TRAK1: variants seen among roughly 807,000 people sequenced by gnomAD.
The protein encoded by TRAK1 is trafficking kinesin protein 1, also known as trafficking kinesin-binding protein 1.
In TRAK1, 33 loss-of-function variants were observed where a neutral mutation model predicts 92.1. That is an observed-to-expected ratio of 0.36 (90% confidence interval 0.27 to 0.48). The LOEUF is 0.48. Among genes scored for constraint, TRAK1 ranks in the 20% least tolerant of loss-of-function variants. The pLI, the probability that TRAK1 is intolerant of heterozygous loss-of-function variation, is 0.99. For synonymous variants in TRAK1, 521 were observed against 517.3 expected (o/e 1.01, Z -0.10); for missense variants, 1,123 against 1,257.9 (o/e 0.89, Z 1.62).
intron 3 of TRAK1, among the ~76,000 whole-genome samples, chr3:42,183,568 A>AAAAAAAAAG (rs1553751625): frequency 1.4e-5 from 2 of 145,220 alleles, no homozygotes; most frequent in Non-Finnish European, 3.0e-5. Flanking sequence ...AAAAAAAAAA[A>AAAAAAAAAG]AAAGAAAGAA....
chr3:42,016,470 G>A (rs1701531059), intron 1 of TRAK1, among the ~76,000 whole-genome samples: 1 of 152,236 alleles, frequency 6.6e-6, no homozygotes, highest in South Asian at 2.1e-4. Flanking sequence ...CTCCCAAAGT[G>A]CTGGGATTAT....
upstream of TRAK1, among the ~76,000 whole-genome samples, chr3:42,082,702 ACTGT>A (rs2148952846): frequency 6.6e-6 from 1 of 152,250 alleles, no homozygotes; most frequent in East Asian, 1.9e-4. Flanking sequence ...TTTAAATGAA[ACTGT>A]CTTAGTTTTC....
chr3:42,041,636 G>A (rs896035047), intron 1 of TRAK1, among the ~76,000 whole-genome samples: 1 of 150,406 alleles, frequency 6.6e-6, no homozygotes, highest in African/African-American at 2.5e-5. Flanking sequence ...AGAATTTCCA[G>A]TACGATGTTG....
At chr3:42,180,336 G>T (rs1383639696) in intron 3 of TRAK1, among the ~76,000 whole-genome samples, 2 of 152,062 alleles carry the variant, frequency 1.3e-5, no homozygotes, top group East Asian at 3.8e-4. Context: ...TCACATCAGG[G>T]TAAATAGGGT....
intron 2 of TRAK1, among the ~76,000 whole-genome samples, chr3:42,164,030 A>G (rs1701587586): frequency 6.6e-6 from 1 of 152,230 alleles, no homozygotes; most frequent in South Asian, 2.1e-4. Flanking sequence ...TCAGAAAGAT[A>G]GCAACTTAGA....
intron 1 of TRAK1, among the ~76,000 whole-genome samples, chr3:42,116,803 G>C (rs1709220437): frequency 6.6e-6 from 1 of 152,156 alleles, no homozygotes; most frequent in African/African-American, 2.4e-5. Context: ...TGGAGTGGGA[G>C]AGGGACAGGG....
intron 14 of TRAK1, chr3:42,211,330 CAT>C: frequency 2.0e-6 from 2 of 985,256 alleles, no homozygotes; most frequent in South Asian, 9.4e-5. Flanking sequence ...GTCATCAAGT[CAT>C]GTGATTTGTT....
At chr3:42,015,849 C>T (rs1026862803) in intron 1 of TRAK1, among the ~76,000 whole-genome samples, 6 of 151,896 alleles carry the variant, frequency 4.0e-5, no homozygotes, top group African/African-American at 1.2e-4. Context: ...CCAGCCTGGC[C>T]AACATGGTGA....
At chr3:42,067,231 A>G (rs1703718301) in intron 1 of TRAK1, among the ~76,000 whole-genome samples, 1 of 152,204 alleles carries the variant, frequency 6.6e-6, no homozygotes, top group South Asian at 2.1e-4. Flanking sequence ...ACTTTTTCAC[A>G]CGAGCCTGAA....
At chr3:42,132,170 A>G (rs540186922) in intron 2 of TRAK1, among the ~76,000 whole-genome samples, 80 of 152,114 alleles carry the variant, frequency 5.3e-4, no homozygotes, top group African/African-American at 1.6e-3. Flanking sequence ...TAGTATTTGC[A>G]TTTAACCTGT....
intron 2 of TRAK1, among the ~76,000 whole-genome samples, chr3:42,127,990 C>T (rs1710809566): frequency 6.6e-6 from 1 of 152,046 alleles, no homozygotes; most frequent in Non-Finnish European, 1.5e-5. Context: ...ACCAGCCTGA[C>T]CAACGTGGAG....
chr3:42,095,453 A>T (rs79349704), intron 1 of TRAK1, among the ~76,000 whole-genome samples: 6,104 of 152,278 alleles, frequency 0.04, 420 homozygotes, highest in African/African-American at 0.14. Context: ...TAACACATGC[A>T]CGTGGTAAAA....
At chr3:42,070,242 A>T in intron 1 of TRAK1, among the ~76,000 whole-genome samples, 1 of 145,366 alleles carries the variant, frequency 6.9e-6, no homozygotes, top group South Asian at 2.1e-4. Context: ...AATTATGAAT[A>T]ATAATAATTA....
intron 14 of TRAK1, chr3:42,217,161 C>T (rs911309113): frequency 1.0e-4 from 77 of 763,190 alleles, no homozygotes; most frequent in Middle Eastern, 6.5e-4. Context: ...GGAATCAGCC[C>T]GTTGCTTCTC....
upstream of TRAK1, among the ~76,000 whole-genome samples, chr3:42,084,750 ATCC>A (rs1704593569): frequency 6.7e-6 from 1 of 149,550 alleles, no homozygotes; most frequent in African/African-American, 2.5e-5. Context: ...GAGGCAGCTT[ATCC>A]ATTCATCTGT....
intron 10 of TRAK1, among the ~76,000 whole-genome samples, chr3:42,197,560 A>G (rs1304750363): frequency 6.6e-6 from 1 of 152,220 alleles, no homozygotes; most frequent in African/African-American, 2.4e-5. Context: ...CTTAAGGTGT[A>G]TGAAGGTCCT....
chr3:42,193,703 T>C (rs1286545450), intron 8 of TRAK1, 121 bp from the exon 9 acceptor site: 1 of 1,040,442 alleles, frequency 9.6e-7, no homozygotes, highest in African/African-American at 1.6e-5. Context: ...AGAATTTGAG[T>C]ATAAGATGAG....
chr3:42,189,230 CTG>C, intron 6 of TRAK1, 106 bp downstream of exon 6: 1 of 792,248 alleles, frequency 1.3e-6, no homozygotes, highest in South Asian at 1.6e-5. Context: ...AGCTGGCAGT[CTG>C]TGAAGAGCTG....
intron 13 of TRAK1, among the ~76,000 whole-genome samples, chr3:42,207,118 G>T (rs1206084174): frequency 6.6e-6 from 1 of 152,128 alleles, no homozygotes; most frequent in Non-Finnish European, 1.5e-5. Flanking sequence ...TAGAGGTGAC[G>T]TGGCCATATT....
Sources: allele counts gnomAD v4.1 joint callset (sites outside exome capture counted in the v4.1 genomes callset), GRCh38; gene constraint gnomAD v4.1.1; transcripts MANE v1.5; gene names NCBI Gene and HGNC (gene_info 2026-07-23, HGNC 2026-07-21).